The following TLK2 variants were observed in gnomAD, a reference collection of about 807,000 sequenced individuals.
The protein encoded by TLK2 is serine/threonine-protein kinase tousled-like 2.
Under a neutral mutation model 117.3 loss-of-function variants are expected in TLK2, and 6 were observed. The ratio of observed to expected loss-of-function variants is 0.05; its 90% CI spans 0.03 to 0.10. The LOEUF (loss-of-function observed/expected upper bound fraction) is 0.10. TLK2 is among the 10% of genes least tolerant of loss of function. TLK2 has a pLI of 1.00. For synonymous variants in TLK2, 257 were observed against 316.7 expected, an observed-to-expected ratio of 0.81 and a Z score of 2.00; for missense variants, 299 against 901.2, an observed-to-expected ratio of 0.33 and a Z score of 8.56.
At chr17:62,509,197 C>T (rs1467446202) in intron 2 of TLK2, among the ~76,000 whole-genome samples, 1 of 152,060 alleles carries the variant, frequency 6.6e-6, no homozygotes, top group African/African-American at 2.4e-5. Flanking sequence ...CAGGCAGTTC[C>T]CCTACCTCAG....
intron 11 of TLK2, among the ~76,000 whole-genome samples, chr17:62,568,547 A>C (rs2079991726): frequency 6.6e-6 from 1 of 152,048 alleles, no homozygotes. Flanking sequence ...ATGCTAGTCC[A>C]GGTATTTATT....
intron 16 of TLK2, among the ~76,000 whole-genome samples, chr17:62,595,549 C>T (rs1178869635): frequency 6.6e-6 from 1 of 151,504 alleles, no homozygotes; most frequent in South Asian, 2.1e-4. Context: ...GAATTTTTCA[C>T]CTCTGTTGTA....
chr17:62,594,830 A>T (rs550225057), intron 16 of TLK2, among the ~76,000 whole-genome samples: 1 of 137,794 alleles, frequency 7.3e-6, no homozygotes, highest in African/African-American at 2.8e-5. Flanking sequence ...ACACACACAC[A>T]CCCCATGTGG....
Position 62,481,206 on chromosome 17 carries a change from G to A in TLK2, c.81G>A (p.Lys27=), listed in dbSNP as rs2071600392. Residue 27 remains lysine, a splice_region_variant and synonymous_variant, in exon 2 of 22, where the codon AAG becomes AAA. Transcript: ENST00000346027. ...GGTTTACTGGAGTAGGTGTTAGTAAGGTGAGTAAAATGATGATCATGAACA... is the reference window on the plus strand; with the variant it reads ...GGTTTACTGGAGTAGGTGTTAGTAAAGTGAGTAAAATGATGATCATGAACA... ...EARFTGVGVS[K]GPLNSESSNQ... 1 of 1,613,626 alleles carries A rather than the reference G, an allele frequency of 6.2e-7. No individual in the cohort carries two copies. The highest frequency in any genetic ancestry group is 8.5e-7 in the Non-Finnish European group (1 of 1,179,748).
At chr17:62,493,739 A>G (rs910680033) in intron 2 of TLK2, among the ~76,000 whole-genome samples, 1 of 152,212 alleles carries the variant, frequency 6.6e-6, no homozygotes, top group Non-Finnish European at 1.5e-5. Context: ...GCTACCATGT[A>G]ACTTGGCAAG....
At position 62,606,444 on chromosome 17, in the gene TLK2, A is replaced by G. The variant is rs575178505; in HGVS notation, c.1971+203A>G. Among the ~76,000 whole-genome samples the G allele has an allele frequency of 2.0e-5, 3 of 152,358 alleles. No individual in the cohort carries two copies. In the South Asian group the frequency reaches 6.2e-4, roughly 32 times the overall value. ...GAAATCCTCAACCCTAGGGCACCTA[A>G]TGAGTTCTGCGGGGCTGTTAAAAAC... On this transcript the variant is annotated intron_variant, in intron 20 of 21. Coordinates refer to ENST00000346027, the MANE Select transcript of TLK2 (RefSeq NM_006852.6).
In TLK2 at chr17:62,553,561, A is replaced by G. The variant is rs1386243187; in HGVS notation, c.628-102A>G. On this transcript the variant is annotated intron_variant, in intron 8 of 21. Coordinates refer to ENST00000346027, the MANE Select transcript of TLK2 (RefSeq NM_006852.6). ...GTGATTCTAGGCCATTTGTGTGAGC[A>G]AGTGCTTTTTCCCACCCCCCCGAGA... 77 of 767,036 alleles carry G rather than the reference A, an allele frequency of 1.0e-4. 1 individual carries two copies. In the South Asian group the frequency reaches 1.1e-3, roughly 11 times the overall value. 47.5% of individuals were successfully genotyped at this position (767,036 alleles called of 1,614,324 possible).
chr17:62,609,537 T>C (rs2083577243), intron 21 of TLK2, among the ~76,000 whole-genome samples: 1 of 152,192 alleles, frequency 6.6e-6, no homozygotes. Context: ...TGTTTATAAT[T>C]CCTGACTGAT....
chr17:62,539,961 T>G (rs2145909137), intron 7 of TLK2, among the ~76,000 whole-genome samples: 1 of 152,232 alleles, frequency 6.6e-6, no homozygotes, highest in African/African-American at 2.4e-5. Flanking sequence ...ATGTCAAATG[T>G]AACATGTTCA....
chr17:62,537,349 A>T (rs140419168), intron 7 of TLK2, among the ~76,000 whole-genome samples: 1 of 152,270 alleles, frequency 6.6e-6, no homozygotes, highest in Non-Finnish European at 1.5e-5. Flanking sequence ...CTTTACCTTA[A>T]GAAAGAGATA....
chr17:62,543,089 G>T (rs2077654336), intron 7 of TLK2, among the ~76,000 whole-genome samples: 1 of 152,082 alleles, frequency 6.6e-6, no homozygotes, highest in South Asian at 2.1e-4. Flanking sequence ...TACTAATGAG[G>T]CTTTTAAATT....
chr17:62,519,565 GCACTTC>G (rs2075882322), intron 2 of TLK2, among the ~76,000 whole-genome samples: 2 of 152,272 alleles, frequency 1.3e-5, no homozygotes, highest in African/African-American at 4.8e-5. Context: ...TTTAATCTCA[GCACTTC>G]GGGAGGCGGA....
chr17:62,491,831 G>T (rs1249022646), intron 2 of TLK2, among the ~76,000 whole-genome samples: 1 of 152,142 alleles, frequency 6.6e-6, no homozygotes, highest in Non-Finnish European at 1.5e-5. Context: ...TGATCCACCC[G>T]TCTTGGCCTC....
At chr17:62,510,321 CTA>C (rs1669637321) in intron 2 of TLK2, among the ~76,000 whole-genome samples, 1 of 152,170 alleles carries the variant, frequency 6.6e-6, no homozygotes, top group Non-Finnish European at 1.5e-5. Context: ...CACCTACAGA[CTA>C]AGTATGGCTT....
chr17:62,592,627 C>T (rs999075296), intron 16 of TLK2, among the ~76,000 whole-genome samples: 1 of 152,182 alleles, frequency 6.6e-6, no homozygotes, highest in Non-Finnish European at 1.5e-5. Context: ...CAGTGGTTTC[C>T]AGCCTTTTTG....
intron 2 of TLK2, among the ~76,000 whole-genome samples, chr17:62,489,812 A>G (rs905113398): frequency 1.3e-5 from 2 of 152,090 alleles, no homozygotes; most frequent in Admixed American, 6.6e-5. Flanking sequence ...ACAGTTGTCT[A>G]CTGGCTTCCA....
In TLK2 at chr17:62,522,258, T is replaced by A; in HGVS notation, c.208T>A (p.Tyr70Asn). 1 of 1,613,170 alleles carries A rather than the reference T, an allele frequency of 6.2e-7. No homozygotes were observed. The highest frequency in any genetic ancestry group is 8.5e-7 in the Non-Finnish European group (1 of 1,179,622). ...QRNRKRKAEPYETSQGKGTPR... is the reference protein window; with the variant it reads ...QRNRKRKAEPNETSQGKGTPR... ...AAATCGGAAAAGAAAAGCTGAACCA[T>A]ATGAAACTAGCCAAGGTAGTAATAA... Residue 70 changes from tyrosine (Y) to asparagine (N), a missense_variant, in exon 4 of 22, where the codon TAT (tyrosine) becomes AAT (asparagine). This residue lies in a region of TLK2 where 105 missense variants were observed against 218.4 expected (regional missense o/e 0.48). Transcript: ENST00000346027.
At chr17:62,539,702 C>T (rs373668512) in intron 7 of TLK2, among the ~76,000 whole-genome samples, 2 of 152,054 alleles carry the variant, frequency 1.3e-5, no homozygotes, top group Admixed American at 6.6e-5. Flanking sequence ...ACATGGTCAA[C>T]TCCTGACCTC....
chr17:62,586,125 C>G lies in TLK2; in HGVS notation c.1369-10C>G. On this transcript the variant is annotated splice_polypyrimidine_tract_variant and intron_variant, in intron 15 of 21. Transcript: ENST00000346027. ...ACATTTACCCAGTATATAATTTATT[C>G]TCTTTATAGGCATTTGATCTAACAG... The G allele has an allele frequency of 6.3e-7, 1 of 1,598,556 alleles. No homozygotes were observed. The highest frequency in any genetic ancestry group is 1.3e-5 in the African/African-American group (1 of 74,146).
Sources: gnomAD v4.1 joint callset for allele counts (sites outside exome capture counted in the v4.1 genomes callset) on GRCh38, gnomAD v4.1.1 for gene constraint, gnomAD v4.1.1 regional missense constraint, MANE v1.5 for transcripts, NCBI Gene and HGNC (gene_info 2026-07-23, HGNC 2026-07-21) for gene names.